The following MYO7B variants were observed in gnomAD, a reference collection of about 807,000 sequenced individuals.
MYO7B encodes myosin VIIB, also known as unconventional myosin-VIIb.
MYO7B carries 212 observed loss-of-function variants against 259.7 expected under a neutral mutation model. The ratio of observed to expected loss-of-function variants is 0.82; its 90% CI spans 0.73 to 0.91. MYO7B has a LOEUF of 0.91. Ranked by LOEUF, MYO7B falls within the 40% of genes least tolerant of loss-of-function variation. The pLI is 0.00. For synonymous variants in MYO7B, 1,197 were observed against 1,166.4 expected, an observed-to-expected ratio of 1.03 and a Z score of -0.54; for missense variants, 2,732 against 2,813.5, an observed-to-expected ratio of 0.97 and a Z score of 0.66.
intron 7 of MYO7B, among the ~76,000 whole-genome samples, chr2:127,574,854 T>C (rs1278396488): frequency 6.6e-6 from 1 of 152,232 alleles, no homozygotes; most frequent in Non-Finnish European, 1.5e-5. Context: ...AGAGGGCCCA[T>C]GGTTTCCTTT....
chr2:127,581,885 C>A lies in MYO7B; in HGVS notation c.1081-6C>A, dbSNP rs373172277. ...GGTGCGACGCAGCCCCCACCTGCCT[C>A]CCCAGGTGCAGCACCAGGAGCTCCG... On this transcript the variant is annotated splice_region_variant and splice_polypyrimidine_tract_variant and intron_variant, in intron 10 of 47. Coordinates refer to ENST00000409816, the MANE Select transcript of MYO7B (RefSeq NM_001393586.1). The A allele has an allele frequency of 1.2e-6, 2 of 1,613,400 alleles. No homozygotes were observed. Among genetic ancestry groups the A allele is most frequent in the African/African-American group, 2.7e-5 (2 of 74,938 alleles).
rs1365474268 is a variant in MYO7B at position 127,577,681 on chromosome 2, C to T, written c.850-452C>T. Among the ~76,000 whole-genome samples the T allele has an allele frequency of 6.6e-6, 1 of 152,176 alleles. No homozygotes were observed. Among genetic ancestry groups the T allele is most frequent in the East Asian group, 1.9e-4 (1 of 5,192 alleles). On this transcript the variant is annotated intron_variant, in intron 8 of 47. Transcript: ENST00000409816. This position sits in a 1 kb window ranked among gnomAD's most constrained non-coding sequence, Gnocchi z 5.2. ...CTCCAAGAAGCCTTTCTCCACCTCTCGATAGGGCTGGCCCCGGCCCCTGTG... is the reference window on the plus strand; with the variant it reads ...CTCCAAGAAGCCTTTCTCCACCTCTTGATAGGGCTGGCCCCGGCCCCTGTG...
Position 127,628,191 on chromosome 2 carries a change from C to G in MYO7B, c.4461-181C>G. On this transcript the variant is annotated intron_variant, in intron 33 of 47. Transcript: ENST00000409816. The surrounding 1 kb of genome is among the most constrained non-coding windows in gnomAD (Gnocchi z 4.8). ...CTCTCAGCCTCCGAGAGGTCCTGTGCTCCGCCGTCCTTCATTTGTCCAGAC... is the reference window on the plus strand; with the variant it reads ...CTCTCAGCCTCCGAGAGGTCCTGTGGTCCGCCGTCCTTCATTTGTCCAGAC... The G allele has an allele frequency of 5.2e-6, 4 of 766,128 alleles. No individual in the cohort carries two copies. Among genetic ancestry groups the G allele is most frequent in the Non-Finnish European group, 6.7e-6 (3 of 446,092 alleles). The allele number at this position is 766,128 out of a possible 1,614,324, so 47.5% of individuals were successfully genotyped here. A position where few individuals can be genotyped will look rare whatever the true frequency, so the allele number is the denominator to read the frequency against.
chr2:127,590,333 G>A lies in MYO7B; in HGVS notation c.1992+104G>A. On this transcript the variant is annotated intron_variant, in intron 16 of 47. Coordinates refer to ENST00000409816, the MANE Select transcript of MYO7B (RefSeq NM_001393586.1). The surrounding 1 kb of genome is among the most constrained non-coding windows in gnomAD (Gnocchi z 4.6). ...CTGCCAGGGCCTGGCTAGCGTTAGA[G>A]CTGTTACTGCCCCTACCTTACAGAT... is the stretch of plus-strand genomic sequence containing the variant. The A allele has an allele frequency of 1.3e-6, 2 of 1,492,838 alleles. No individual in the cohort carries two copies. The highest frequency in any genetic ancestry group is 9.1e-7 in the Non-Finnish European group (1 of 1,093,692). The allele number at this position is 1,492,838 out of a possible 1,614,324, so 92.5% of individuals were successfully genotyped here. A position where few individuals can be genotyped will look rare whatever the true frequency, so the allele number is the denominator to read the frequency against.
intron 19 of MYO7B, 93 bp downstream of exon 19, chr2:127,596,649 C>T (rs537051784): frequency 3.9e-5 from 41 of 1,043,146 alleles, no homozygotes; most frequent in Non-Finnish European, 2.6e-5. Context: ...CACATGTTCC[C>T]GCTGGGCCCT....
chr2:127,597,511 A>G lies in MYO7B; in HGVS notation c.2339+955A>G, dbSNP rs2104993876. 6.6e-6 allele frequency among the ~76,000 whole-genome samples: 1 copy of G among 152,248 alleles called. No homozygotes were observed. Among genetic ancestry groups the G allele is most frequent in the Middle Eastern group, 3.4e-3 (1 of 294 alleles). ...CATTTCTAGAATGTTGCCATTGCAC[A>G]AATGTTATATACGTGGAATTATACA... On this transcript the variant is annotated intron_variant, in intron 19 of 47. Coordinates refer to ENST00000409816, the MANE Select transcript of MYO7B (RefSeq NM_001393586.1). The surrounding 1 kb of genome is among the most constrained non-coding windows in gnomAD (Gnocchi z 4.8).
At position 127,634,687 on chromosome 2, in the gene MYO7B, AGGAGGCCTCTGT is replaced by A. The variant is rs1383998494; in HGVS notation, c.5713+9_5713+20del. 3 of 1,605,392 alleles carry A rather than the reference AGGAGGCCTCTGT, an allele frequency of 1.9e-6. No homozygotes were observed. The highest frequency in any genetic ancestry group is 3.4e-5 in the Admixed American group (2 of 59,468). ...AAGAACAAGCCCCAGAAAGAAGGTG[AGGAGGCCTCTGT>A]GGAGCTGGGGGAGGGCGTGGCTGGG... is the stretch of plus-strand genomic sequence containing the variant. On this transcript the variant is annotated splice_donor_5th_base_variant and intron_variant, in intron 42 of 47. Transcript: ENST00000409816.
At chr2:127,537,699 G>A (rs1190617766) in intron 1 of MYO7B, among the ~76,000 whole-genome samples, 15 of 151,722 alleles carry the variant, frequency 9.9e-5, no homozygotes, top group Admixed American at 9.8e-4. Flanking sequence ...AGAAGAGGAG[G>A]AGGAGGAGGG....
At chr2:127,582,557 C>A (rs534322276) in intron 12 of MYO7B, 111 bp downstream of exon 12, 2 of 1,288,460 alleles carry the variant, frequency 1.6e-6, no homozygotes, top group South Asian at 1.4e-5. Context: ...CCAGGCCTGG[C>A]GAGTCCCACC....
intron 19 of MYO7B, among the ~76,000 whole-genome samples, chr2:127,605,327 T>C (rs1573681471): frequency 6.6e-6 from 1 of 152,350 alleles, no homozygotes; most frequent in South Asian, 2.1e-4. Flanking sequence ...CTGGACACAG[T>C]GGCTCACGCC....
Position 127,592,888 on chromosome 2 carries a change from C to T in MYO7B, c.2087C>T (p.Thr696Met). The T allele has an allele frequency of 1.2e-6, 2 of 1,609,094 alleles. No individual in the cohort carries two copies. Among genetic ancestry groups the T allele is most frequent in the East Asian group, 2.2e-5 (1 of 44,716 alleles). The change falls in exon 17 of 48, where the codon ACG (threonine) becomes ATG (methionine). Residue 696 changes from threonine to methionine, a missense_variant. Physicochemically the swap from Thr to Met is moderately conservative, Grantham distance 81 (BLOSUM62 -1). This residue lies in a region of MYO7B where 1,906 missense variants were observed against 2,026.4 expected (regional missense o/e 0.94). Coordinates refer to ENST00000409816, the MANE Select transcript of MYO7B (RefSeq NM_001393586.1). ...AAGTCGGGCTTCCCCATCCGCTACACGTTCGAGGAGTTCTCGCAGAGGTTC... is the reference window on the plus strand; with the variant it reads ...AAGTCGGGCTTCCCCATCCGCTACATGTTCGAGGAGTTCTCGCAGAGGTTC... ...IRKSGFPIRY[T>M]FEEFSQRFGV...
intron 1 of MYO7B, among the ~76,000 whole-genome samples, chr2:127,537,365 T>A (rs1692824330): frequency 6.6e-6 from 1 of 152,230 alleles, no homozygotes; most frequent in South Asian, 2.1e-4. Context: ...TGACTCCATT[T>A]TGGTCTGGTC....
Position 127,636,754 on chromosome 2 carries a change from C to T in MYO7B, c.6208-40C>T, listed in dbSNP as rs1681844849. On this transcript the variant is annotated intron_variant, in intron 46 of 47. Transcript: ENST00000409816. This position sits in a 1 kb window ranked among gnomAD's most constrained non-coding sequence, Gnocchi z 4.5. ...TCCCCTAACACACACAGAGCCCGTGCTCTGGAGGCGTCCGGCCCACCCACC... is the reference window on the plus strand; with the variant it reads ...TCCCCTAACACACACAGAGCCCGTGTTCTGGAGGCGTCCGGCCCACCCACC... 4 of 1,612,560 alleles carry T rather than the reference C, an allele frequency of 2.5e-6. No individual in the cohort carries two copies. The highest frequency in any genetic ancestry group is 2.5e-6 in the Non-Finnish European group (3 of 1,179,512).
chr2:127,636,270 C>T lies in MYO7B; in HGVS notation c.6069C>T (p.Phe2023=), dbSNP rs1025791663. ...DKTVEEAKVA[F]LKWICRWPTF... ...CAGTGGAGGAGGCCAAGGTGGCCTTCCTGAAGTGGATCTGCCGGTGGCCCA... is the reference window on the plus strand; with the variant it reads ...CAGTGGAGGAGGCCAAGGTGGCCTTTCTGAAGTGGATCTGCCGGTGGCCCA... The change falls in exon 45 of 48, where the codon TTC becomes TTT. Residue 2023 remains phenylalanine (F), a synonymous_variant. Coordinates refer to ENST00000409816, the MANE Select transcript of MYO7B (RefSeq NM_001393586.1). The surrounding 1 kb of genome is among the most constrained non-coding windows in gnomAD (Gnocchi z 4.5). 5.0e-6 allele frequency: 8 copies of T among 1,613,652 alleles called. No homozygotes were observed. The highest frequency in any genetic ancestry group is 1.3e-5 in the African/African-American group (1 of 75,044).
At position 127,609,572 on chromosome 2, in the gene MYO7B, C is replaced by G. The variant is rs373656443; in HGVS notation, c.2881C>G (p.Pro961Ala). The stretch of plus-strand genomic sequence containing the variant: ...GGACACAGTCCCCATGGCGGAGGAG[C>G]CTGAGGAGGATGTGGATGGCCTGGC... Reference protein sequence around the residue: ...DLDTVPMAEEPEEDVDGLAEY... With the variant: ...DLDTVPMAEEAEEDVDGLAEY... Residue 961 changes from proline (P) to alanine (A), a missense_variant, in exon 23 of 48, where the codon CCT (proline) becomes GCT (alanine). Coordinates refer to ENST00000409816, the MANE Select transcript of MYO7B (RefSeq NM_001393586.1). This position sits in a 1 kb window ranked among gnomAD's most constrained non-coding sequence, Gnocchi z 6.9. 2 of 1,613,960 alleles carry G rather than the reference C, an allele frequency of 1.2e-6. No homozygotes were observed. Among genetic ancestry groups the G allele is most frequent in the South Asian group, 1.1e-5 (1 of 91,068 alleles).
chr2:127,581,906 C>G lies in MYO7B; in HGVS notation c.1096C>G (p.Leu366Val). The G allele has an allele frequency of 6.2e-7, 1 of 1,613,826 alleles. No individual in the cohort carries two copies. Among genetic ancestry groups the G allele is most frequent in the Admixed American group, 1.7e-5 (1 of 60,028 alleles). ...GCCTCCCCAGGTGCAGCACCAGGAG[C>G]TCCGGGACTGTCTGATCAAGCACAC... Reference protein sequence around the residue: ...MKLLEVQHQELRDCLIKHTIL... With the variant: ...MKLLEVQHQEVRDCLIKHTIL... Residue 366 changes from leucine to valine, a missense_variant, in exon 11 of 48, where the codon CTC becomes GTC. Around this residue, in one of 3 missense-constraint regions of MYO7B, gnomAD observed 1,906 missense variants for 2,026.4 expected, o/e 0.94. Coordinates refer to ENST00000409816, the MANE Select transcript of MYO7B (RefSeq NM_001393586.1).
At position 127,612,528 on chromosome 2, in the gene MYO7B, G is replaced by GTGC. The variant is rs1314542214; in HGVS notation, c.3324_3326dup (p.Ala1109dup). On this transcript the variant is annotated inframe_insertion, in exon 26 of 48. Transcript: ENST00000409816. ...GAGGCATTGGAGCCTGATGGCCTTG[G>GTGC]TGCAGACCGGCCCATGTCCAACCTG... 3.2e-6 allele frequency: 5 copies of GTGC among 1,580,610 alleles called. No homozygotes were observed.
intron 1 of MYO7B, among the ~76,000 whole-genome samples, chr2:127,540,240 T>A (rs1692952191): frequency 6.6e-6 from 1 of 151,840 alleles, no homozygotes; most frequent in South Asian, 2.1e-4. Flanking sequence ...CTCGGCTCAC[T>A]GCAATCTCCG....
At chr2:127,561,867 G>C (rs948135713) in intron 2 of MYO7B, among the ~76,000 whole-genome samples, 7 of 152,234 alleles carry the variant, frequency 4.6e-5, no homozygotes, top group African/African-American at 1.7e-4. Context: ...AGTCCTGGAA[G>C]CTGGAAGTCC....
Sources: gnomAD v4.1 joint callset for allele counts (sites outside exome capture counted in the v4.1 genomes callset) on GRCh38, gnomAD v4.1.1 for gene constraint, gnomAD v4.1.1 regional missense constraint, Gnocchi (gnomAD v3.1) non-coding constraint, MANE v1.5 for transcripts, NCBI Gene and HGNC (gene_info 2026-07-23, HGNC 2026-07-21) for gene names.